MAP2: variants seen among roughly 807,000 people sequenced by gnomAD.
MAP2 encodes microtubule-associated protein 2.
MAP2 carries 14 observed loss-of-function variants against 137.6 expected under a neutral mutation model. The observed-to-expected ratio is 0.10, with a 90% CI of 0.07 to 0.16. The LOEUF (loss-of-function observed/expected upper bound fraction) is 0.16, where lower values mean the gene tolerates loss of function less well. Among genes scored for constraint, MAP2 ranks in the 10% least tolerant of loss-of-function variants. The probability of loss-of-function intolerance (pLI) is 1.00; values close to 1 mark genes in which losing one functional copy is unlikely to be tolerated. For missense variants in MAP2, 2,088 were observed against 2,191.5 expected, an observed-to-expected ratio of 0.95 and a Z score of 0.94; for synonymous variants, 786 against 782.3, an observed-to-expected ratio of 1.00 and a Z score of -0.08.
intron 2 of MAP2, among the ~76,000 whole-genome samples, chr2:209,548,180 A>G (rs1467206540): frequency 1.3e-5 from 2 of 152,232 alleles, no homozygotes; most frequent in African/African-American, 4.8e-5. Flanking sequence ...GTAGGAAGAT[A>G]TTTCCTGAGT....
rs190103484 is a variant in MAP2, at chr2:209,733,543, A to G, written c.*3146A>G. 6.6e-6 allele frequency: 1 copy of G among 152,238 alleles called. No individual in the cohort carries two copies. The highest frequency in any genetic ancestry group is 1.9e-4 in the East Asian group (1 of 5,172). The allele number at this position is 152,238 out of a possible 1,614,324, so 9.4% of individuals were successfully genotyped here. A position where few individuals can be genotyped will look rare whatever the true frequency, so the allele number is the denominator to read the frequency against. ...ATAATCAGCCAATATATAACATTCC[A>G]TCAGTATTTTATTAAGGAAATAACC... On this transcript the variant is annotated 3_prime_UTR_variant, in exon 16 of 16. Coordinates refer to ENST00000682079, the MANE Select transcript of MAP2 (RefSeq NM_001375505.1).
At chr2:209,688,580 A>G (rs978342913) in intron 7 of MAP2, among the ~76,000 whole-genome samples, 2 of 152,180 alleles carry the variant, frequency 1.3e-5, no homozygotes, top group Non-Finnish European at 1.5e-5. Context: ...TCACATCAGT[A>G]GAGCTGGACT....
At chr2:209,635,193 G>A (rs1246707867) in intron 4 of MAP2, among the ~76,000 whole-genome samples, 1 of 152,092 alleles carries the variant, frequency 6.6e-6, no homozygotes, top group Non-Finnish European at 1.5e-5. Flanking sequence ...CAAAAGCATA[G>A]TGTCTATTGC....
At chr2:209,631,588 A>G (rs1581377262) in intron 4 of MAP2, among the ~76,000 whole-genome samples, 1 of 151,968 alleles carries the variant, frequency 6.6e-6, no homozygotes, top group Non-Finnish European at 1.5e-5. Flanking sequence ...AAAAAAAAGT[A>G]GTTAACAAGG....
chr2:209,540,838 A>C (rs974587763), intron 2 of MAP2, among the ~76,000 whole-genome samples: 2 of 150,398 alleles, frequency 1.3e-5, no homozygotes, highest in Admixed American at 1.3e-4. Flanking sequence ...TACTGTATGC[A>C]TTATACAGAC....
intron 1 of MAP2, among the ~76,000 whole-genome samples, chr2:209,471,303 C>T (rs1705649251): frequency 6.6e-6 from 1 of 152,172 alleles, no homozygotes; most frequent in Admixed American, 6.5e-5. Flanking sequence ...ATACTCACTT[C>T]AGGTTTTAAT....
chr2:209,512,282 T>C (rs991839972), intron 2 of MAP2, among the ~76,000 whole-genome samples: 2 of 151,988 alleles, frequency 1.3e-5, no homozygotes, highest in Non-Finnish European at 2.9e-5. Context: ...GATAAATATG[T>C]AAATTATAAT....
chr2:209,436,030 A>ATAGTATATAT (rs1553537349), intron 1 of MAP2, among the ~76,000 whole-genome samples: 1 of 137,330 alleles, frequency 7.3e-6, no homozygotes, highest in Non-Finnish European at 1.6e-5. Context: ...TATAAAATAT[A>ATAGTATATAT]TATATATGTA....
At chr2:209,594,103 G>A (rs1228887208) in intron 3 of MAP2, among the ~76,000 whole-genome samples, 5 of 134,166 alleles carry the variant, frequency 3.7e-5, no homozygotes, top group Non-Finnish European at 6.1e-5. Context: ...AGCTATGATT[G>A]TGTCGCTGCA....
At chr2:209,522,139 C>A (rs949052642) in intron 2 of MAP2, among the ~76,000 whole-genome samples, 2 of 152,022 alleles carry the variant, frequency 1.3e-5, no homozygotes, top group African/African-American at 4.8e-5. Context: ...GATTGATGGG[C>A]CTCCTTTTTT....
At chr2:209,646,171 G>A (rs1158928516) in intron 4 of MAP2, among the ~76,000 whole-genome samples, 1 of 152,042 alleles carries the variant, frequency 6.6e-6, no homozygotes, top group Non-Finnish European at 1.5e-5. Flanking sequence ...ACTGAAGCCT[G>A]GGCAACAGAG....
chr2:209,653,895 C>T (rs16843380), intron 5 of MAP2, among the ~76,000 whole-genome samples: 5,491 of 152,192 alleles, frequency 0.036, 293 homozygotes, highest in African/African-American at 0.12. Context: ...TTTCTACATG[C>T]AAGGTGTTGT....
intron 3 of MAP2, among the ~76,000 whole-genome samples, chr2:209,621,502 A>T (rs1311012071): frequency 1.3e-5 from 2 of 151,452 alleles, no homozygotes; most frequent in African/African-American, 4.9e-5. Context: ...CAGGTGATCC[A>T]CCCTCCTCAG....
chr2:209,714,109 G>A (rs539266897), intron 13 of MAP2, among the ~76,000 whole-genome samples: 27 of 152,292 alleles, frequency 1.8e-4, no homozygotes, highest in African/African-American at 6.5e-4. Flanking sequence ...GCTGAGGCAG[G>A]AGAATTGCTT....
intron 4 of MAP2, among the ~76,000 whole-genome samples, chr2:209,647,637 T>C (rs1175807098): frequency 6.6e-6 from 1 of 152,204 alleles, no homozygotes; most frequent in Non-Finnish European, 1.5e-5. Context: ...CAAAGGTTAA[T>C]GTCAGATCAA....
chr2:209,611,237 C>T (rs183058341), intron 3 of MAP2, among the ~76,000 whole-genome samples: 1 of 151,940 alleles, frequency 6.6e-6, no homozygotes, highest in Non-Finnish European at 1.5e-5. Flanking sequence ...ATATTGAGCA[C>T]TTGTGAGGAA....
intron 4 of MAP2, among the ~76,000 whole-genome samples, chr2:209,635,096 T>C (rs2093438844): frequency 6.6e-6 from 1 of 152,060 alleles, no homozygotes; most frequent in Non-Finnish European, 1.5e-5. Context: ...GAGCTCTGAC[T>C]CTAAAAGAAA....
At chr2:209,546,667 T>G (rs2068136036) in intron 2 of MAP2, among the ~76,000 whole-genome samples, 1 of 152,220 alleles carries the variant, frequency 6.6e-6, no homozygotes. Flanking sequence ...GGCTCAAAGT[T>G]GGTCACTTTC....
chr2:209,525,446 A>T (rs2150461821), intron 2 of MAP2, among the ~76,000 whole-genome samples: 1 of 152,188 alleles, frequency 6.6e-6, no homozygotes, highest in East Asian at 1.9e-4. Context: ...CATGTGAAAA[A>T]TTTTCCAGTG....
Sources: allele counts gnomAD v4.1 joint callset (sites outside exome capture counted in the v4.1 genomes callset), GRCh38; gene constraint gnomAD v4.1.1; transcripts MANE v1.5; gene names NCBI Gene and HGNC (gene_info 2026-07-23, HGNC 2026-07-21).